CDH24: variants seen among roughly 807,000 people sequenced by gnomAD.
CDH24 encodes cadherin-24.
CDH24 carries 61 observed loss-of-function variants against 71.2 expected under a neutral mutation model. That is an observed-to-expected ratio of 0.86 (90% confidence interval 0.70 to 1.06). The LOEUF (loss-of-function observed/expected upper bound fraction) is 1.06, where lower values mean the gene tolerates loss of function less well. CDH24 is among the 50% of genes least tolerant of loss of function. The probability of loss-of-function intolerance (pLI) is 0.00; values close to 1 mark genes in which losing one functional copy is unlikely to be tolerated. For synonymous variants in CDH24, 440 were observed against 470.2 expected (o/e 0.94, Z 0.83); for missense variants, 961 against 1,083.7 (o/e 0.89, Z 1.59).
At position 23,048,931 on chromosome 14, in the gene CDH24, C is replaced by G. The variant is rs549916614; in HGVS notation, c.1846+96G>C. The G allele has an allele frequency of 6.9e-6, 10 of 1,443,882 alleles. No homozygotes were observed. In the Admixed American group the frequency reaches 1.6e-4, roughly 23 times the overall value. The allele number at this position is 1,443,882 out of a possible 1,614,324, so 89.4% of individuals were successfully genotyped here. On this transcript the variant is annotated intron_variant, in intron 11 of 12. Coordinates refer to ENST00000487137, the MANE Select transcript of CDH24 (RefSeq NM_144985.4). Reference sequence around the variant, plus strand: ...ATCCAGGTATGAGGGTCGTTCAAGCCCTAAGGTGGATTTCCCTGTGTCCAG... The same window carrying G: ...ATCCAGGTATGAGGGTCGTTCAAGCGCTAAGGTGGATTTCCCTGTGTCCAG...
In CDH24 at chr14:23,048,441, G is replaced by A; in HGVS notation, c.1885C>T (p.Gln629Ter). The part of the protein sequence containing the change: ...VLFVALRRQK[Q>*]EALMVLEEED... ...TCCTCCAGTACCATCAGTGCTTCTT[G>A]CTTCTGCCGCCGCAGGGCCACGAAG... Residue 629 changes from glutamine to a stop codon, truncating the protein, a stop_gained, in exon 12 of 13, where the codon CAA (glutamine) becomes TAA (stop). Coordinates refer to ENST00000487137, the MANE Select transcript of CDH24 (RefSeq NM_144985.4). LOFTEE classifies it high-confidence loss of function. 1 of 1,611,136 alleles carries A rather than the reference G, an allele frequency of 6.2e-7. No homozygotes were observed. The highest frequency in any genetic ancestry group is 8.5e-7 in the Non-Finnish European group (1 of 1,179,604).
At position 23,049,271 on chromosome 14, in the gene CDH24, G is replaced by A; in HGVS notation, c.1602C>T (p.Gly534=). 6.4e-7 allele frequency: 1 copy of A among 1,570,388 alleles called. No homozygotes were observed. Among genetic ancestry groups the A allele is most frequent in the Non-Finnish European group, 8.6e-7 (1 of 1,157,564 alleles). ...ANFTVQDNRD[G]SASLLLPSRP... ...GGGAGGGCAGCAGCAGGCTGGCGGAGCCATCTGTGGGAGAGGGAAGGTGTT... is the reference window on the plus strand; with the variant it reads ...GGGAGGGCAGCAGCAGGCTGGCGGAACCATCTGTGGGAGAGGGAAGGTGTT... Residue 534 remains glycine, a synonymous_variant, in exon 11 of 13, where the codon GGC becomes GGT. Transcript: ENST00000487137.
In CDH24 at chr14:23,048,844, G is replaced by A. The variant is rs181062431; in HGVS notation, c.1846+183C>T. On this transcript the variant is annotated intron_variant, in intron 11 of 12. Transcript: ENST00000487137. ...TGTTATGGCTTGTCATTGTCATTAT[G>A]GATTGGCAGGTCACGGATAGAGGCC... Among the ~76,000 whole-genome samples the A allele has an allele frequency of 6.7e-4, 102 of 152,320 alleles. 1 individual carries two copies. Among genetic ancestry groups the A allele is most frequent in the Admixed American group, 3.9e-3 (59 of 15,306 alleles).
chr14:23,048,234 C>A lies in CDH24; in HGVS notation c.2092G>T (p.Gly698Cys). 7.5e-7 allele frequency: 1 copy of A among 1,327,888 alleles called. No homozygotes were observed. 82.3% of individuals were successfully genotyped at this position (1,327,888 alleles called of 1,614,324 possible). ...ARVSRQPRPP[G>C]PADVAQLLAL... Reference sequence around the variant, plus strand: ...AGGAGCTGCGCCACGTCGGCGGGGCCGGGGGGTCTGGGCTGGCGCGACACC... The same window carrying A: ...AGGAGCTGCGCCACGTCGGCGGGGCAGGGGGGTCTGGGCTGGCGCGACACC... Residue 698 changes from glycine (G) to cysteine (C), a missense_variant, in exon 12 of 13, where the codon GGC becomes TGC. By Grantham distance (159) the Gly-to-Cys change is radical. Around this residue, in one of 2 missense-constraint regions of CDH24, gnomAD observed 290 missense variants for 272.8 expected, o/e 1.06. Coordinates refer to ENST00000487137, the MANE Select transcript of CDH24 (RefSeq NM_144985.4).
rs1441308205 is a variant in CDH24 at position 23,054,932 on chromosome 14, G to C, written c.497-66C>G. 2 of 1,604,470 alleles carry C rather than the reference G, an allele frequency of 1.2e-6. No homozygotes were observed. Among genetic ancestry groups the C allele is most frequent in the African/African-American group, 2.7e-5 (2 of 74,724 alleles). ...AGGATGGGGAAGAACAACCGATGGGGGGGGATGCAGATACGAGGGAGGCTG... is the reference window on the plus strand; with the variant it reads ...AGGATGGGGAAGAACAACCGATGGGCGGGGATGCAGATACGAGGGAGGCTG... On this transcript the variant is annotated intron_variant, in intron 3 of 12. Coordinates refer to ENST00000487137, the MANE Select transcript of CDH24 (RefSeq NM_144985.4). The surrounding 1 kb of genome is among the most constrained non-coding windows in gnomAD (Gnocchi z 5.2).
rs10553168 is a variant in CDH24 at position 23,050,493 on chromosome 14, CCACACACACACACA to C, written c.1364-564_1364-551del. Among the ~76,000 whole-genome samples the C allele has an allele frequency of 9.7e-5, 14 of 144,882 alleles. No homozygotes were observed. The South Asian group carries it at 1.1e-3, about 12-fold the overall frequency. On this transcript the variant is annotated intron_variant, in intron 8 of 12. Coordinates refer to ENST00000487137, the MANE Select transcript of CDH24 (RefSeq NM_144985.4). ...TGGGGTGGACAGACACATATACACA[CCACACACACACACA>C]CACACACACACACACACACACACAC... is the stretch of plus-strand genomic sequence containing the variant.
In CDH24 at chr14:23,053,641, C is replaced by T. The variant is rs1346065345; in HGVS notation, c.1081G>A (p.Val361Met). 3 of 1,613,826 alleles carry T rather than the reference C, an allele frequency of 1.9e-6. No individual in the cohort carries two copies. The highest frequency in any genetic ancestry group is 2.5e-6 in the Non-Finnish European group (3 of 1,179,958). Residue 361 changes from valine (V) to methionine (M), a missense_variant, in exon 7 of 13, where the codon GTG (valine) becomes ATG (methionine). Coordinates refer to ENST00000487137, the MANE Select transcript of CDH24 (RefSeq NM_144985.4). Reference sequence around the variant, plus strand: ...GGGGCATCTTGCACTGCCACACGCACAGAGGCCACATCCTTGAAGGGCCCT... The same window carrying T: ...GGGGCATCTTGCACTGCCACACGCATAGAGGCCACATCCTTGAAGGGCCCT... ...RRGPFKDVAS[V>M]RVAVQDAPEP...
Position 23,049,876 on chromosome 14 carries a change from G to T in CDH24, c.1431C>A (p.Pro477=). ...IQTLDENDNA[P]QLAEPYDTFV... is the part of the protein sequence containing the mutation. Reference sequence around the variant, plus strand: ...AAGTATCGTAGGGCTCAGCCAGCTGGGGAGCATTGTCATTCTCATCCAGGG... The same window carrying T: ...AAGTATCGTAGGGCTCAGCCAGCTGTGGAGCATTGTCATTCTCATCCAGGG... Residue 477 remains proline (P), a synonymous_variant, in exon 9 of 13, where the codon CCC becomes CCA. Coordinates refer to ENST00000487137, the MANE Select transcript of CDH24 (RefSeq NM_144985.4). 1 of 1,614,044 alleles carries T rather than the reference G, an allele frequency of 6.2e-7. No homozygotes were observed. The highest frequency in any genetic ancestry group is 8.5e-7 in the Non-Finnish European group (1 of 1,180,016).
intron 7 of CDH24, 21 bp downstream of exon 7, chr14:23,053,475 C>A (rs1300789242): frequency 3.9e-6 from 6 of 1,545,984 alleles, no homozygotes; most frequent in Non-Finnish European, 5.3e-6. Flanking sequence ...GGCTCCCCAG[C>A]CCACATCCCA....
Position 23,055,274 on chromosome 14 carries a change from A to G in CDH24, c.281T>C (p.Ile94Thr), listed in dbSNP as rs375022388. The G allele has an allele frequency of 1.2e-6, 2 of 1,613,868 alleles. No individual in the cohort carries two copies. The highest frequency in any genetic ancestry group is 1.1e-5 in the South Asian group (1 of 91,086). The change falls in exon 3 of 13, where the codon ATT becomes ACT. Residue 94 changes from isoleucine (I) to threonine (T), a missense_variant. Ile to Thr is a moderately conservative substitution (Grantham distance 89). Transcript: ENST00000487137. The surrounding 1 kb of genome is among the most constrained non-coding windows in gnomAD (Gnocchi z 4.1). Reference protein sequence around the residue: ...TGEGAGTVFVIDEATGNIHVT... With the variant: ...TGEGAGTVFVTDEATGNIHVT... ...ATGAATATTGCCTGTGGCCTCATCAATCACAAATACGGTGCCTGCCCCCTC... is the reference window on the plus strand; with the variant it reads ...ATGAATATTGCCTGTGGCCTCATCAGTCACAAATACGGTGCCTGCCCCCTC...
Position 23,054,641 on chromosome 14 carries a change from G to T in CDH24, c.649C>A (p.Arg217=), listed in dbSNP as rs374147531. 2 of 1,614,006 alleles carry T rather than the reference G, an allele frequency of 1.2e-6. No homozygotes were observed. Among genetic ancestry groups the T allele is most frequent in the Non-Finnish European group, 1.7e-6 (2 of 1,180,000 alleles). Reference sequence around the variant, plus strand: ...ACCAAGAACTCCTCCTGTGTCTCCCGGTCCATGTTGGGGATGGCTGTACGC... The same window carrying T: ...ACCAAGAACTCCTCCTGTGTCTCCCTGTCCATGTTGGGGATGGCTGTACGC... ...VVRTAIPNMD[R]ETQEEFLVVI... The change falls in exon 5 of 13, where the codon CGG becomes AGG. Residue 217 remains arginine (R), a synonymous_variant. Transcript: ENST00000487137. The surrounding 1 kb of genome is among the most constrained non-coding windows in gnomAD (Gnocchi z 5.2).
At position 23,047,239 on chromosome 14, in the gene CDH24, G is replaced by A. The variant is rs1421833757; in HGVS notation, c.*655C>T. On this transcript the variant is annotated 3_prime_UTR_variant, in exon 13 of 13. Coordinates refer to ENST00000487137, the MANE Select transcript of CDH24 (RefSeq NM_144985.4). ...CAGGGGAAGCTGACAGCTGGGCAGA[G>A]CTCCAGGGAGGCGGCCACACGGGAG... The A allele has an allele frequency of 6.6e-6, 1 of 152,350 alleles. No homozygotes were observed. Among genetic ancestry groups the A allele is most frequent in the Non-Finnish European group, 1.5e-5 (1 of 68,148 alleles). The allele number at this position is 152,350 out of a possible 1,614,324, so 9.4% of individuals were successfully genotyped here.
In CDH24 at chr14:23,048,139, G is replaced by A; in HGVS notation, c.2187C>T (p.Gly729=). ...CGCAAGAGGAGCCGCGGCCCTCGTA[G>A]CCGTACACCTGCACCGAGTCGTACG... is the stretch of plus-strand genomic sequence containing the variant. ...VPPYDSVQVY[G]YEGRGSSCGS... Residue 729 remains glycine, a synonymous_variant, in exon 12 of 13, where the codon GGC becomes GGT. Transcript: ENST00000487137. 1 of 1,394,214 alleles carries A rather than the reference G, an allele frequency of 7.2e-7. No homozygotes were observed. Among genetic ancestry groups the A allele is most frequent in the Non-Finnish European group, 9.3e-7 (1 of 1,076,186 alleles). 86.4% of individuals were successfully genotyped at this position (1,394,214 alleles called of 1,614,324 possible).
chr14:23,052,179 G>A, intron 8 of CDH24: 1 of 789,898 alleles, frequency 1.3e-6, no homozygotes, highest in South Asian at 1.5e-5. Flanking sequence ...AGTCAGGTAA[G>A]GGAATGACTT....
rs1594727537 is a variant in CDH24 at position 23,055,451 on chromosome 14, A to C, written c.201+82T>G. 1 of 1,587,642 alleles carries C rather than the reference A, an allele frequency of 6.3e-7. No homozygotes were observed. The highest frequency in any genetic ancestry group is 8.6e-7 in the Non-Finnish European group (1 of 1,163,458). On this transcript the variant is annotated intron_variant, in intron 2 of 12. Coordinates refer to ENST00000487137, the MANE Select transcript of CDH24 (RefSeq NM_144985.4). This position sits in a 1 kb window ranked among gnomAD's most constrained non-coding sequence, Gnocchi z 4.1. ...GAGCGTTGGGAGTCCTGAGGGACCA[A>C]GGTCATTGCAGAAGTGATGAAGTTG... is the stretch of plus-strand genomic sequence containing the variant.
chr14:23,053,888 C>T, intron 6 of CDH24, 139 bp from the exon 7 acceptor site: 1 of 952,700 alleles, frequency 1.0e-6, no homozygotes, highest in South Asian at 1.8e-5. Context: ...ACTGGAGGGA[C>T]AGTGGCCTTG....
In CDH24 at chr14:23,048,443, T is replaced by G; in HGVS notation, c.1883A>C (p.Lys628Thr). 1.2e-6 allele frequency: 2 copies of G among 1,611,082 alleles called. No individual in the cohort carries two copies. Among genetic ancestry groups the G allele is most frequent in the Non-Finnish European group, 1.7e-6 (2 of 1,179,612 alleles). ...VVLFVALRRQ[K>T]QEALMVLEEE... ...CTCCAGTACCATCAGTGCTTCTTGC[T>G]TCTGCCGCCGCAGGGCCACGAAGAG... Residue 628 changes from lysine (K) to threonine (T), a missense_variant, in exon 12 of 13, where the codon AAG (lysine) becomes ACG (threonine). This residue lies in a region of CDH24 where 290 missense variants were observed against 272.8 expected (regional missense o/e 1.06). Coordinates refer to ENST00000487137, the MANE Select transcript of CDH24 (RefSeq NM_144985.4).
Position 23,055,252 on chromosome 14 carries a change from A to G in CDH24, c.303T>C (p.Ile101=), listed in dbSNP as rs766839897. 6.2e-7 allele frequency: 1 copy of G among 1,614,130 alleles called. No individual in the cohort carries two copies. The highest frequency in any genetic ancestry group is 2.2e-5 in the East Asian group (1 of 44,880). ...VFVIDEATGN[I]HVTKSLDREE... is the part of the protein sequence containing the mutation. ...CCCGGTCAAGGCTCTTGGTAACATG[A>G]ATATTGCCTGTGGCCTCATCAATCA... Residue 101 remains isoleucine (I), a synonymous_variant, in exon 3 of 13, where the codon ATT becomes ATC. Coordinates refer to ENST00000487137, the MANE Select transcript of CDH24 (RefSeq NM_144985.4). The surrounding 1 kb of genome is among the most constrained non-coding windows in gnomAD (Gnocchi z 4.1).
chr14:23,055,524 C>A lies in CDH24; in HGVS notation c.201+9G>T, dbSNP rs2047122043. 1 of 1,613,086 alleles carries A rather than the reference C, an allele frequency of 6.2e-7. No individual in the cohort carries two copies. The highest frequency in any genetic ancestry group is 8.5e-7 in the Non-Finnish European group (1 of 1,179,528). ...GTGTCAGAGTAGACATGGGAGGGGTCATCCTTACCTTGCCAATGAGAACAG... is the reference window on the plus strand; with the variant it reads ...GTGTCAGAGTAGACATGGGAGGGGTAATCCTTACCTTGCCAATGAGAACAG... On this transcript the variant is annotated intron_variant, in intron 2 of 12. Coordinates refer to ENST00000487137, the MANE Select transcript of CDH24 (RefSeq NM_144985.4). This position sits in a 1 kb window ranked among gnomAD's most constrained non-coding sequence, Gnocchi z 4.1.
Sources: allele counts gnomAD v4.1 joint callset (sites outside exome capture counted in the v4.1 genomes callset), GRCh38; gene constraint gnomAD v4.1.1; regional missense constraint gnomAD v4.1.1; non-coding constraint Gnocchi (gnomAD v3.1); transcripts MANE v1.5; gene names NCBI Gene and HGNC (gene_info 2026-07-23, HGNC 2026-07-21).